The following NTN1 variants were observed in gnomAD, a reference collection of about 807,000 sequenced individuals.
The protein encoded by NTN1 is netrin-1.
Under a neutral mutation model 54.2 loss-of-function variants are expected in NTN1, and 11 were observed. That is an observed-to-expected ratio of 0.20 (90% CI 0.13 to 0.34). The LOEUF is 0.34. Ranked by LOEUF, NTN1 falls within the 10% of genes least tolerant of loss-of-function variation. The pLI is 1.00. For synonymous variants in NTN1, 371 were observed against 382.0 expected (o/e 0.97, Z 0.33); for missense variants, 740 against 893.1 (o/e 0.83, Z 2.18).
chr17:9,215,996 T>C (rs1202308717), intron 5 of NTN1, among the ~76,000 whole-genome samples: 2 of 152,362 alleles, frequency 1.3e-5, no homozygotes, highest in Middle Eastern at 3.4e-3. Flanking sequence ...GGTTTTACTC[T>C]GTCACTCAGG....
In NTN1 at chr17:9,219,547, A is replaced by G. The variant is rs1029342696; in HGVS notation, c.1412-1621A>G. ...CCCATGGCCCCCAAGGTAGTGGGAT[A>G]GAGCTGCATTGATCTTCATTGAGGC... On this transcript the variant is annotated intron_variant, in intron 5 of 6. Coordinates refer to ENST00000173229, the MANE Select transcript of NTN1 (RefSeq NM_004822.3). This position sits in a 1 kb window ranked among gnomAD's most constrained non-coding sequence, Gnocchi z 4.5. Among the ~76,000 whole-genome samples the G allele has an allele frequency of 2.0e-5, 3 of 152,218 alleles. No homozygotes were observed. Among genetic ancestry groups the G allele is most frequent in the African/African-American group, 7.2e-5 (3 of 41,452 alleles).
At chr17:9,119,608 C>T (rs1038345561) in intron 2 of NTN1, among the ~76,000 whole-genome samples, 23 of 151,234 alleles carry the variant, frequency 1.5e-4, no homozygotes, top group Non-Finnish European at 3.3e-4. Flanking sequence ...AAATGATCCT[C>T]CTGCTTCAGC....
chr17:9,036,876 A>C (rs971443993), intron 2 of NTN1, among the ~76,000 whole-genome samples: 129 of 152,278 alleles, frequency 8.5e-4, no homozygotes, highest in African/African-American at 2.9e-3. Flanking sequence ...CTCAGGCTCT[A>C]ACTGGAGGAC....
rs866954476 is a variant in NTN1 at position 9,221,887 on chromosome 17, T to C, written c.1486+645T>C. ...TGGTGGTCGTGGAGAGTGGAGATGG[T>C]CTGGGAGCCTGCAGGAGGAGGGCCC... On this transcript the variant is annotated intron_variant, in intron 6 of 6. Coordinates refer to ENST00000173229, the MANE Select transcript of NTN1 (RefSeq NM_004822.3). The surrounding 1 kb of genome is among the most constrained non-coding windows in gnomAD (Gnocchi z 4.5). 2.2e-4 allele frequency among the ~76,000 whole-genome samples: 33 copies of C among 152,050 alleles called. 1 individual carries two copies. The highest frequency in any genetic ancestry group is 5.9e-4 in the Admixed American group (9 of 15,276).
chr17:9,145,183 C>T (rs2092309956), intron 2 of NTN1, among the ~76,000 whole-genome samples: 1 of 152,194 alleles, frequency 6.6e-6, no homozygotes, highest in Non-Finnish European at 1.5e-5. Context: ...ACAGAGGACT[C>T]CTGGGGAATT....
At chr17:9,163,321 C>G (rs906427953) in intron 3 of NTN1, among the ~76,000 whole-genome samples, 4 of 152,152 alleles carry the variant, frequency 2.6e-5, no homozygotes, top group African/African-American at 4.8e-5. Flanking sequence ...CTCCCCTCCC[C>G]CTCCTGGGCT....
At chr17:9,178,912 T>A (rs1157639756) in intron 3 of NTN1, 1 of 152,314 alleles carries the variant, frequency 6.6e-6, no homozygotes, top group African/African-American at 2.4e-5. Context: ...CCTGAGGTCC[T>A]GTGGCTACTC....
chr17:9,231,431 C>T (rs767101457), intron 6 of NTN1, among the ~76,000 whole-genome samples: 1 of 152,244 alleles, frequency 6.6e-6, no homozygotes, highest in African/African-American at 2.4e-5. Flanking sequence ...GTCTCAGCTC[C>T]TTCCTTCAGG....
rs189514649 is a variant in NTN1 at position 9,220,621 on chromosome 17, C to T, written c.1412-547C>T. On this transcript the variant is annotated intron_variant, in intron 5 of 6. Coordinates refer to ENST00000173229, the MANE Select transcript of NTN1 (RefSeq NM_004822.3). ...CAGTAGGGCCCATTAGAACTGAACT[C>T]GTCTTCGTGGGGCATTTTATTTGCA... Among the ~76,000 whole-genome samples, 119 of 152,206 alleles carry T rather than the reference C, an allele frequency of 7.8e-4. 1 individual carries two copies. Among genetic ancestry groups the T allele is most frequent in the African/African-American group, 2.6e-3 (110 of 41,532 alleles).
intron 2 of NTN1, among the ~76,000 whole-genome samples, chr17:9,140,398 T>A (rs1597503088): frequency 6.6e-6 from 1 of 152,162 alleles, no homozygotes; most frequent in Non-Finnish European, 1.5e-5. Flanking sequence ...GCTGAACTCG[T>A]TGAAAAATAA....
intron 5 of NTN1, among the ~76,000 whole-genome samples, chr17:9,194,189 T>C (rs920749904): frequency 1.1e-4 from 16 of 152,124 alleles, no homozygotes; most frequent in Admixed American, 6.5e-5. Context: ...TGAGCCAAGA[T>C]TGTGCCACTG....
chr17:9,168,269 A>T lies in NTN1; in HGVS notation c.1207+5268A>T, dbSNP rs553503961. Among the ~76,000 whole-genome samples the T allele has an allele frequency of 2.8e-4, 43 of 152,390 alleles. No homozygotes were observed. In the South Asian group the frequency reaches 5.4e-3, roughly 19 times the overall value. ...AAATCCTGGCCGGGCACGGTGGCTCATGCCTGTAATCCCAACACTTTGGGA... is the reference window on the plus strand; with the variant it reads ...AAATCCTGGCCGGGCACGGTGGCTCTTGCCTGTAATCCCAACACTTTGGGA... On this transcript the variant is annotated intron_variant, in intron 3 of 6. Transcript: ENST00000173229.
intron 5 of NTN1, among the ~76,000 whole-genome samples, chr17:9,203,624 C>A (rs1306343713): frequency 6.6e-6 from 1 of 151,800 alleles, no homozygotes; most frequent in Non-Finnish European, 1.5e-5. Flanking sequence ...CATGGTGAAA[C>A]CCTGTTTCTA....
chr17:9,095,655 G>A (rs1206049304), intron 2 of NTN1, among the ~76,000 whole-genome samples: 1 of 152,068 alleles, frequency 6.6e-6, no homozygotes, highest in Non-Finnish European at 1.5e-5. Flanking sequence ...AAATCCCTTG[G>A]CTGGTCTTTT....
At chr17:9,179,782 C>T (rs1405202648) in intron 3 of NTN1, 25 bp from the exon 4 acceptor site, 5 of 1,608,678 alleles carry the variant, frequency 3.1e-6, no homozygotes, top group Non-Finnish European at 4.2e-6. Context: ...CCTTGTCTGA[C>T]CCTCCCATTT....
intron 2 of NTN1, among the ~76,000 whole-genome samples, chr17:9,060,743 C>T (rs2091994941): frequency 6.6e-6 from 1 of 152,000 alleles, no homozygotes; most frequent in African/African-American, 2.4e-5. Context: ...TTTGGGAGGC[C>T]AAGGCAGGCA....
chr17:9,224,083 G>C (rs748802087), intron 6 of NTN1, among the ~76,000 whole-genome samples: 4 of 152,180 alleles, frequency 2.6e-5, no homozygotes, highest in Non-Finnish European at 5.9e-5. Flanking sequence ...TGAAAATGGG[G>C]CTTGTAAAAG....
At chr17:9,181,438 G>C (rs2092418794) in intron 4 of NTN1, among the ~76,000 whole-genome samples, 1 of 152,200 alleles carries the variant, frequency 6.6e-6, no homozygotes, top group African/African-American at 2.4e-5. Flanking sequence ...TGCAGGATTA[G>C]ACTGGACCAT....
chr17:9,199,463 C>T (rs1324666239), intron 5 of NTN1, among the ~76,000 whole-genome samples: 1 of 152,258 alleles, frequency 6.6e-6, no homozygotes, highest in Non-Finnish European at 1.5e-5. Flanking sequence ...TACTTTATAC[C>T]ACAGTCCATC....
Sources: gnomAD v4.1 joint callset for allele counts (sites outside exome capture counted in the v4.1 genomes callset) on GRCh38, gnomAD v4.1.1 for gene constraint, Gnocchi (gnomAD v3.1) non-coding constraint, MANE v1.5 for transcripts, NCBI Gene and HGNC (gene_info 2026-07-23, HGNC 2026-07-21) for gene names.